Variants in DPP10 observed in about 807,000 individuals in gnomAD.
DPP10 encodes inactive dipeptidyl peptidase 10.
Under a neutral mutation model 120.9 loss-of-function variants are expected in DPP10, and 33 were observed. The ratio of observed to expected loss-of-function variants is 0.27; its 90% CI spans 0.21 to 0.37. The LOEUF (loss-of-function observed/expected upper bound fraction) is 0.37. Ranked by LOEUF, DPP10 falls within the 10% of genes least tolerant of loss-of-function variation. The pLI, the probability that DPP10 is intolerant of heterozygous loss-of-function variation, is 1.00. For synonymous variants in DPP10, 337 were observed against 326.1 expected (o/e 1.03, Z -0.36); for missense variants, 816 against 942.8 (o/e 0.87, Z 1.76).
Position 115,591,463 on chromosome 2 carries a change from G to T in DPP10, c.441+65491G>T, listed in dbSNP as rs192690129. On this transcript the variant is annotated intron_variant, in intron 5 of 25. Coordinates refer to ENST00000410059, the MANE Select transcript of DPP10 (RefSeq NM_020868.6). ...CAGGTTTTTCAAAGATCAGATGGTTGTAGATGTGTGGTATTATTTCTGCAG... is the reference window on the plus strand; with the variant it reads ...CAGGTTTTTCAAAGATCAGATGGTTTTAGATGTGTGGTATTATTTCTGCAG... Among the ~76,000 whole-genome samples the T allele has an allele frequency of 3.1e-3, 472 of 152,276 alleles. 2 individuals carry two copies. The highest frequency in any genetic ancestry group is 0.011 in the African/African-American group (449 of 41,558).
At chr2:115,426,344 G>A (rs556462723) in intron 3 of DPP10, among the ~76,000 whole-genome samples, 3 of 100,468 alleles carry the variant, frequency 3.0e-5, no homozygotes, top group East Asian at 3.3e-4. Flanking sequence ...CACCTCCGAC[G>A]CTGGAGATGA....
chr2:115,816,861 T>C (rs1049548614), intron 21 of DPP10, among the ~76,000 whole-genome samples: 1 of 150,138 alleles, frequency 6.7e-6, no homozygotes, highest in African/African-American at 2.4e-5. Context: ...GTGATCCGCC[T>C]GCCTTGGCCT....
At chr2:115,547,934 T>C (rs890293657) in intron 5 of DPP10, among the ~76,000 whole-genome samples, 7 of 152,178 alleles carry the variant, frequency 4.6e-5, no homozygotes, top group African/African-American at 1.7e-4. Context: ...TGTTTAGATA[T>C]TCAAATGCAT....
At chr2:115,199,493 T>G (rs2055533677) in intron 1 of DPP10, among the ~76,000 whole-genome samples, 1 of 152,160 alleles carries the variant, frequency 6.6e-6, no homozygotes, top group Non-Finnish European at 1.5e-5. Flanking sequence ...AAGGGACTTT[T>G]CATTACCTTA....
intron 1 of DPP10, chr2:114,461,677 C>T: frequency 1.0e-6 from 1 of 985,342 alleles, no homozygotes; most frequent in Non-Finnish European, 1.2e-6. Context: ...GAGACAAATA[C>T]TTGCTTTTCA....
chr2:114,450,381 T>C (rs903068062), intron 1 of DPP10, among the ~76,000 whole-genome samples: 2 of 152,152 alleles, frequency 1.3e-5, no homozygotes, highest in African/African-American at 4.8e-5. Context: ...GTTATAATTA[T>C]TTGTTTCCAT....
rs564113390 is a variant in DPP10 at position 115,253,329 on chromosome 2, A to G, written c.61-55910A>G. On this transcript the variant is annotated intron_variant, in intron 1 of 25. Transcript: ENST00000410059. ...GAGATTTGGAGGGAACATATATCCAAACTATATCATTCCACCCCGAACCTA... is the reference window on the plus strand; with the variant it reads ...GAGATTTGGAGGGAACATATATCCAGACTATATCATTCCACCCCGAACCTA... Among the ~76,000 whole-genome samples the G allele has an allele frequency of 5.9e-5, 9 of 152,210 alleles. No individual in the cohort carries two copies. In the South Asian group the frequency reaches 1.9e-3, roughly 32 times the overall value.
At chr2:114,816,415 G>A (rs1187643718) in intron 1 of DPP10, among the ~76,000 whole-genome samples, 1 of 152,064 alleles carries the variant, frequency 6.6e-6, no homozygotes, top group Non-Finnish European at 1.5e-5. Context: ...ATAGGTGATG[G>A]GCTAGACTTG....
intron 1 of DPP10, among the ~76,000 whole-genome samples, chr2:114,620,823 C>A (rs1174018844): frequency 1.3e-5 from 2 of 152,076 alleles, no homozygotes; most frequent in East Asian, 1.9e-4. Context: ...CATCTTGGTA[C>A]CTTATGCATG....
chr2:115,333,402 T>G (rs528280769), intron 2 of DPP10, among the ~76,000 whole-genome samples: 61 of 152,310 alleles, frequency 4.0e-4, no homozygotes, highest in African/African-American at 1.4e-3. Context: ...GTCTTTTAAT[T>G]GGAGCATTTG....
At chr2:115,256,839 C>T (rs1297375135) in intron 1 of DPP10, among the ~76,000 whole-genome samples, 1 of 152,180 alleles carries the variant, frequency 6.6e-6, no homozygotes, top group Non-Finnish European at 1.5e-5. Flanking sequence ...ATTATTTGCT[C>T]CTGCATCTGA....
intron 1 of DPP10, among the ~76,000 whole-genome samples, chr2:114,728,900 T>C (rs1018668527): frequency 6.6e-6 from 1 of 152,238 alleles, no homozygotes; most frequent in African/African-American, 2.4e-5. Context: ...AATGGCTCTC[T>C]GCACTAGAGT....
chr2:115,583,843 C>T (rs1410277310), intron 5 of DPP10, among the ~76,000 whole-genome samples: 1 of 152,160 alleles, frequency 6.6e-6, no homozygotes, highest in Non-Finnish European at 1.5e-5. Flanking sequence ...CTGATCTGGT[C>T]ACAGTCTGAA....
At chr2:115,534,852 C>T (rs2148934553) in intron 5 of DPP10, among the ~76,000 whole-genome samples, 1 of 152,142 alleles carries the variant, frequency 6.6e-6, no homozygotes, top group South Asian at 2.1e-4. Flanking sequence ...TTGCATTTCT[C>T]TGATGGCCAG....
At chr2:114,493,832 G>A (rs947927211) in intron 1 of DPP10, among the ~76,000 whole-genome samples, 1 of 152,088 alleles carries the variant, frequency 6.6e-6, no homozygotes, top group African/African-American at 2.4e-5. Flanking sequence ...GGCCATGAAC[G>A]ATGGTAAAAT....
intron 1 of DPP10, among the ~76,000 whole-genome samples, chr2:115,184,366 G>A (rs1005258123): frequency 6.6e-6 from 1 of 152,182 alleles, no homozygotes. Flanking sequence ...AGGAAGAAGA[G>A]GTCATTTCAA....
intron 1 of DPP10, among the ~76,000 whole-genome samples, chr2:114,551,350 A>G (rs1687872245): frequency 6.6e-6 from 1 of 152,190 alleles, no homozygotes. Context: ...TGTCTCTTAT[A>G]TTCTCAATGA....
chr2:114,825,967 T>G (rs2106375227), intron 1 of DPP10, among the ~76,000 whole-genome samples: 1 of 152,362 alleles, frequency 6.6e-6, no homozygotes, highest in Non-Finnish European at 1.5e-5. Flanking sequence ...AATTAGAAGT[T>G]ACTCTTTTTG....
At chr2:115,113,536 G>A (rs4452148) in intron 1 of DPP10, among the ~76,000 whole-genome samples, 68,714 of 151,926 alleles carry the variant, frequency 0.45, 15,794 homozygotes, top group East Asian at 0.67. Flanking sequence ...TAGTGAATTC[G>A]TACTCACTAG....
Sources: gnomAD v4.1 joint callset for allele counts (sites outside exome capture counted in the v4.1 genomes callset) on GRCh38, gnomAD v4.1.1 for gene constraint, MANE v1.5 for transcripts, NCBI Gene and HGNC (gene_info 2026-07-23, HGNC 2026-07-21) for gene names.